MGAT3: variants seen among roughly 807,000 people sequenced by gnomAD.
The protein encoded by MGAT3 is beta-1,4-mannosyl-glycoprotein 4-beta-N-acetylglucosaminyltransferase.
Under a neutral mutation model 29.8 loss-of-function variants are expected in MGAT3, and 9 were observed. The observed-to-expected ratio is 0.30, with a 90% CI of 0.18 to 0.53. The LOEUF (loss-of-function observed/expected upper bound fraction) is 0.53, where lower values mean the gene tolerates loss of function less well. Ranked by LOEUF, MGAT3 falls within the 20% of genes least tolerant of loss-of-function variation. The probability of loss-of-function intolerance (pLI) is 0.96; values close to 1 mark genes in which losing one functional copy is unlikely to be tolerated. For synonymous variants in MGAT3, 397 were observed against 348.9 expected (o/e 1.14, Z -1.54); for missense variants, 557 against 769.5 (o/e 0.72, Z 3.27).
chr22:39,458,042 G>T (rs928347013), intron 1 of MGAT3, among the ~76,000 whole-genome samples: 2 of 152,146 alleles, frequency 1.3e-5, no homozygotes, highest in Non-Finnish European at 2.9e-5. Context: ...GGGCTGGGCG[G>T]GTGCGGGGGC....
chr22:39,475,403 G>T (rs1454553655), intron 1 of MGAT3, among the ~76,000 whole-genome samples: 2 of 151,942 alleles, frequency 1.3e-5, no homozygotes, highest in Admixed American at 6.5e-5. Context: ...CTGTGTATCG[G>T]GCCCTGAGGC....
chr22:39,460,854 A>G (rs1833849133), intron 1 of MGAT3, among the ~76,000 whole-genome samples: 1 of 152,156 alleles, frequency 6.6e-6, no homozygotes, highest in Admixed American at 6.5e-5. Flanking sequence ...CTATTTGAAC[A>G]GCTTGGCATA....
Position 39,488,136 on chromosome 22 carries a change from G to C in MGAT3, c.789G>C (p.Glu263Asp), listed in dbSNP as rs1929339640. 3 of 1,612,792 alleles carry C rather than the reference G, an allele frequency of 1.9e-6. No individual in the cohort carries two copies. ...AGATGCTGACCAATGGCACCTTCGA[G>C]TACATCCGCCACAAGGTGCTCTATG... is the stretch of plus-strand genomic sequence containing the variant. ...FREMLTNGTF[E>D]YIRHKVLYVF... is the part of the protein sequence containing the mutation. Residue 263 changes from glutamate to aspartate, a missense_variant, in exon 2 of 2, where the codon GAG becomes GAC. By Grantham distance (45) the Glu-to-Asp change is conservative (BLOSUM62 2). Coordinates refer to ENST00000341184, the MANE Select transcript of MGAT3 (RefSeq NM_002409.5).
At chr22:39,483,682 C>T in intron 1 of MGAT3, among the ~76,000 whole-genome samples, 1 of 152,116 alleles carries the variant, frequency 6.6e-6, no homozygotes. Context: ...CCAGCTGGTC[C>T]AGCCCAACTG....
At chr22:39,477,915 G>A (rs995450241) in intron 1 of MGAT3, among the ~76,000 whole-genome samples, 7 of 152,226 alleles carry the variant, frequency 4.6e-5, no homozygotes, top group East Asian at 1.9e-4. Flanking sequence ...CCTCCGTATC[G>A]TGGAGGGGGA....
chr22:39,475,556 C>T (rs1928934548), intron 1 of MGAT3, among the ~76,000 whole-genome samples: 1 of 152,200 alleles, frequency 6.6e-6, no homozygotes, highest in African/African-American at 2.4e-5. Flanking sequence ...CTCTCTCAGC[C>T]AAGACCTTGG....
chr22:39,470,660 G>A (rs1342773509), intron 1 of MGAT3, among the ~76,000 whole-genome samples: 5 of 152,178 alleles, frequency 3.3e-5, no homozygotes, highest in Non-Finnish European at 7.4e-5. Context: ...GGGAGCATTT[G>A]GGGGAACGGG....
intron 1 of MGAT3, among the ~76,000 whole-genome samples, chr22:39,461,691 C>T (rs1476714089): frequency 6.6e-6 from 1 of 152,184 alleles, no homozygotes; most frequent in Non-Finnish European, 1.5e-5. Flanking sequence ...TCCTCTGTGA[C>T]ACCAGCCCCA....
At chr22:39,469,714 C>T (rs1345869900) in intron 1 of MGAT3, among the ~76,000 whole-genome samples, 1 of 152,266 alleles carries the variant, frequency 6.6e-6, no homozygotes, top group Admixed American at 6.5e-5. Context: ...ACCCTCCCTT[C>T]CATTTCCCCG....
In MGAT3 at chr22:39,489,339, CA is replaced by C. The variant is rs779189712; in HGVS notation, c.*391del. The C allele has an allele frequency of 7.3e-5, 19 of 258,748 alleles. No homozygotes were observed. The highest frequency in any genetic ancestry group is 1.4e-4 in the Non-Finnish European group (17 of 125,402). The allele number at this position is 258,748 out of a possible 1,614,324, so 16.0% of individuals were successfully genotyped here. ...GTGGCCAGGCCGGGAAAAAGCCCAC[CA>C]TTTGGCATCCCTGGGCCTTGGGCTC... On this transcript the variant is annotated 3_prime_UTR_variant, in exon 2 of 2. Coordinates refer to ENST00000341184, the MANE Select transcript of MGAT3 (RefSeq NM_002409.5).
In MGAT3 at chr22:39,457,508, A is replaced by AGCCGCC. The variant is rs1196107118; in HGVS notation, c.-42_-37dup. On this transcript the variant is annotated 5_prime_UTR_variant, in exon 1 of 2. Coordinates refer to ENST00000341184, the MANE Select transcript of MGAT3 (RefSeq NM_002409.5). This position sits in a 1 kb window ranked among gnomAD's most constrained non-coding sequence, Gnocchi z 6.8. ...CCGCCGGGGACCCCGGGGGCCGCGG[A>AGCCGCC]GCCGCCGCCGCCGCTGCTGCCGCCG... 1.4e-5 allele frequency: 2 copies of AGCCGCC among 148,144 alleles called. No homozygotes were observed. The highest frequency in any genetic ancestry group is 2.0e-4 in the East Asian group (1 of 4,924). The allele number at this position is 148,144 out of a possible 1,614,324, so 9.2% of individuals were successfully genotyped here. A position where few individuals can be genotyped will look rare whatever the true frequency, so the allele number is the denominator to read the frequency against.
chr22:39,461,111 G>A (rs750707372), intron 1 of MGAT3, among the ~76,000 whole-genome samples: 2 of 152,150 alleles, frequency 1.3e-5, no homozygotes, highest in African/African-American at 4.8e-5. Flanking sequence ...CGATCGCTGT[G>A]CTGTAAATCC....
At chr22:39,483,955 CA>C (rs1601728743) in intron 1 of MGAT3, among the ~76,000 whole-genome samples, 1 of 152,184 alleles carries the variant, frequency 6.6e-6, no homozygotes, top group Admixed American at 6.5e-5. Flanking sequence ...TCGAATGGGG[CA>C]AACGCTGCCC....
chr22:39,489,122 T>A lies in MGAT3; in HGVS notation c.*173T>A. 1 of 909,420 alleles carries A rather than the reference T, an allele frequency of 1.1e-6. No individual in the cohort carries two copies. The highest frequency in any genetic ancestry group is 1.6e-6 in the Non-Finnish European group (1 of 606,942). 56.3% of individuals were successfully genotyped at this position (909,420 alleles called of 1,614,324 possible). On this transcript the variant is annotated 3_prime_UTR_variant, in exon 2 of 2. Transcript: ENST00000341184. ...CCCTTGTGAATCAAGGGTCAGGCCT[T>A]TGAGCTCAGAAAATATCCCTCCTGT...
intron 1 of MGAT3, among the ~76,000 whole-genome samples, chr22:39,462,126 C>G (rs1436699964): frequency 2.0e-5 from 3 of 152,062 alleles, no homozygotes; most frequent in African/African-American, 7.2e-5. Flanking sequence ...TTCTCAAGCT[C>G]CTGACCTTGT....
chr22:39,467,567 A>G (rs1267100056), intron 1 of MGAT3, among the ~76,000 whole-genome samples: 1 of 152,206 alleles, frequency 6.6e-6, no homozygotes, highest in African/African-American at 2.4e-5. Flanking sequence ...TACGAAGTAC[A>G]GTGTCCCAAA....
In MGAT3 at chr22:39,489,218, C is replaced by T. The variant is rs937102583; in HGVS notation, c.*269C>T. Reference sequence around the variant, plus strand: ...CCAAGACTGCTGTGGCCAGGAGGTGCCACTGGAGTGTGCGTGGTGGTCCCT... The same window carrying T: ...CCAAGACTGCTGTGGCCAGGAGGTGTCACTGGAGTGTGCGTGGTGGTCCCT... On this transcript the variant is annotated 3_prime_UTR_variant, in exon 2 of 2. Transcript: ENST00000341184. The T allele has an allele frequency of 8.8e-6, 5 of 569,920 alleles. No individual in the cohort carries two copies. The highest frequency in any genetic ancestry group is 1.3e-5 in the Non-Finnish European group (4 of 314,164). The allele number at this position is 569,920 out of a possible 1,614,324, so 35.3% of individuals were successfully genotyped here.
chr22:39,464,106 G>A (rs759228553), intron 1 of MGAT3, among the ~76,000 whole-genome samples: 6 of 151,582 alleles, frequency 4.0e-5, no homozygotes, highest in Non-Finnish European at 8.8e-5. Flanking sequence ...TTCATACACC[G>A]CGCTCACCCC....
In MGAT3 at chr22:39,491,834, G is replaced by A. The variant is rs565130016; in HGVS notation, c.*2885G>A. On this transcript the variant is annotated 3_prime_UTR_variant, in exon 2 of 2. Coordinates refer to ENST00000341184, the MANE Select transcript of MGAT3 (RefSeq NM_002409.5). This position sits in a 1 kb window ranked among gnomAD's most constrained non-coding sequence, Gnocchi z 5.5. ...TGTCCCATGTCCACCTTTCTCCCCG[G>A]GAATAACTGGCCCTGAGACCCCTAG... 4.4e-4 allele frequency: 73 copies of A among 167,100 alleles called. No individual in the cohort carries two copies. Among genetic ancestry groups the A allele is most frequent in the Non-Finnish European group, 9.1e-4 (62 of 68,088 alleles). The allele number at this position is 167,100 out of a possible 1,614,324, so 10.4% of individuals were successfully genotyped here.
Sources: allele counts gnomAD v4.1 joint callset (sites outside exome capture counted in the v4.1 genomes callset), GRCh38; gene constraint gnomAD v4.1.1; non-coding constraint Gnocchi (gnomAD v3.1); transcripts MANE v1.5; gene names NCBI Gene and HGNC (gene_info 2026-07-23, HGNC 2026-07-21).